Variants in CEP85L observed in about 807,000 individuals in gnomAD.
CEP85L encodes centrosomal protein of 85 kDa-like.
CEP85L carries 60 observed loss-of-function variants against 100.3 expected under a neutral mutation model. That is an observed-to-expected ratio of 0.60 (90% CI 0.49 to 0.74). The LOEUF (loss-of-function observed/expected upper bound fraction) is 0.74, where lower values mean the gene tolerates loss of function less well. Ranked by LOEUF, CEP85L falls within the 30% of genes least tolerant of loss-of-function variation. The pLI, the probability that CEP85L is intolerant of heterozygous loss-of-function variation, is 0.00. For synonymous variants in CEP85L, 319 were observed against 322.7 expected, an observed-to-expected ratio of 0.99 and a Z score of 0.12; for missense variants, 973 against 936.2, an observed-to-expected ratio of 1.04 and a Z score of -0.51.
At chr6:118,502,986 TA>T in intron 5 of CEP85L, 1 of 259,746 alleles carries the variant, frequency 3.8e-6, no homozygotes, top group Non-Finnish European at 7.7e-6. Context: ...ATTCTTAACT[TA>T]AAAACGCTTT....
At chr6:118,467,264 G>C (rs1772597244) in intron 12 of CEP85L, among the ~76,000 whole-genome samples, 1 of 151,850 alleles carries the variant, frequency 6.6e-6, no homozygotes, top group East Asian at 1.9e-4. Flanking sequence ...AACAGGAGTG[G>C]ATAAGATCAC....
At chr6:118,523,671 G>C in intron 4 of CEP85L, 131 bp downstream of exon 4, 1 of 481,138 alleles carries the variant, frequency 2.1e-6, no homozygotes, top group South Asian at 3.9e-5. Flanking sequence ...TTGAGGAGGG[G>C]CAGAGATGTG....
chr6:118,585,872 C>A (rs1193111633), intron 2 of CEP85L, among the ~76,000 whole-genome samples: 1 of 152,190 alleles, frequency 6.6e-6, no homozygotes, highest in Non-Finnish European at 1.5e-5. Flanking sequence ...ACTTCACCCA[C>A]ATGCCAAAGA....
intron 3 of CEP85L, among the ~76,000 whole-genome samples, chr6:118,527,709 G>C (rs1008341532): frequency 6.6e-6 from 1 of 152,074 alleles, no homozygotes; most frequent in African/African-American, 2.4e-5. Context: ...CTCAAAGTAG[G>C]ATTTGGAAAT....
intron 2 of CEP85L, among the ~76,000 whole-genome samples, chr6:118,623,214 G>C (rs1773568231): frequency 1.3e-5 from 2 of 152,096 alleles, no homozygotes; most frequent in South Asian, 4.1e-4. Flanking sequence ...ATAATCCCTT[G>C]GTCCATCATA....
chr6:118,483,723 G>C lies in CEP85L; in HGVS notation c.1573C>G (p.Gln525Glu). ...CATGTTACCTGTAGACTCTGACTCT[G>C]TACATCATCTAGAGTTGGAAGATCA... ...LADLPTLDDV[Q>E]SQSLQLQILE... The change falls in exon 7 of 13, where the codon CAG (glutamine) becomes GAG (glutamate). Residue 525 changes from glutamine (Q) to glutamate (E), a missense_variant. Physicochemically the swap from Gln to Glu is conservative, Grantham distance 29. Transcript: ENST00000368491. 1 of 1,613,152 alleles carries C rather than the reference G, an allele frequency of 6.2e-7. No individual in the cohort carries two copies. The highest frequency in any genetic ancestry group is 8.5e-7 in the Non-Finnish European group (1 of 1,179,506).
At chr6:118,642,461 T>G (rs982317959) in intron 1 of CEP85L, among the ~76,000 whole-genome samples, 1 of 152,186 alleles carries the variant, frequency 6.6e-6, no homozygotes, top group Non-Finnish European at 1.5e-5. Context: ...AAGAATAAAG[T>G]AAGATCAGAT....
chr6:118,598,994 T>C (rs938472176), intron 2 of CEP85L, among the ~76,000 whole-genome samples: 2 of 152,226 alleles, frequency 1.3e-5, no homozygotes, highest in Non-Finnish European at 2.9e-5. Flanking sequence ...GAACTCATGT[T>C]TGGCTCAATA....
At chr6:118,646,965 A>C in intron 1 of CEP85L, 1 of 985,410 alleles carries the variant, frequency 1.0e-6, no homozygotes, top group Non-Finnish European at 1.2e-6. Flanking sequence ...GAAGTGATCA[A>C]ATTCCAATTA....
chr6:118,642,672 G>A (rs1396309120), intron 1 of CEP85L, among the ~76,000 whole-genome samples: 1 of 152,118 alleles, frequency 6.6e-6, no homozygotes, highest in Non-Finnish European at 1.5e-5. Flanking sequence ...CCAGCACTTT[G>A]GGAGGCTGAG....
rs66813095 is a variant in CEP85L at position 118,498,595 on chromosome 6, TAA to T, written c.1258-6732_1258-6731del. On this transcript the variant is annotated intron_variant, in intron 5 of 12. Coordinates refer to ENST00000368491, the MANE Select transcript of CEP85L (RefSeq NM_001042475.3). ...GGAAACATAGTGAGACCCAATCTGT[TAA>T]AAAAAAAAAAAAAAATAGAGAGAGA... Among the ~76,000 whole-genome samples the T allele has an allele frequency of 8.8e-3, 909 of 102,904 alleles. 5 individuals carry two copies. Among genetic ancestry groups the T allele is most frequent in the African/African-American group, 0.017 (460 of 27,032 alleles). 67.5% of individuals were successfully genotyped at this position (102,904 alleles called of 152,430 possible).
chr6:118,666,106 C>T (rs1776125531), intron 1 of CEP85L, among the ~76,000 whole-genome samples: 1 of 152,176 alleles, frequency 6.6e-6, no homozygotes, highest in African/African-American at 2.4e-5. Flanking sequence ...AACTGTATCC[C>T]CAAATAGAGC....
At chr6:118,491,324 A>C (rs1774557460) in intron 6 of CEP85L, 1 of 287,548 alleles carries the variant, frequency 3.5e-6, no homozygotes, top group Admixed American at 5.9e-5. Flanking sequence ...TAATAACTTA[A>C]GTTGCATCAT....
chr6:118,701,570 C>T (rs1777408354), intron 1 of CEP85L, among the ~76,000 whole-genome samples: 1 of 152,036 alleles, frequency 6.6e-6, no homozygotes, highest in Non-Finnish European at 1.5e-5. Flanking sequence ...GGAAGTGAAA[C>T]ATTGAGTATT....
At chr6:118,692,617 T>C (rs1475913709) in intron 1 of CEP85L, among the ~76,000 whole-genome samples, 2 of 152,108 alleles carry the variant, frequency 1.3e-5, no homozygotes, top group Non-Finnish European at 2.9e-5. Context: ...ATAAGACATC[T>C]AAAGTAAAGA....
chr6:118,662,333 C>A (rs920501745), intron 1 of CEP85L, among the ~76,000 whole-genome samples: 1 of 151,928 alleles, frequency 6.6e-6, no homozygotes, highest in African/African-American at 2.4e-5. Context: ...AGTTCGAGAC[C>A]AGCCTGGCCA....
chr6:118,619,866 G>A (rs1773327851), intron 2 of CEP85L, among the ~76,000 whole-genome samples: 1 of 152,098 alleles, frequency 6.6e-6, no homozygotes, highest in Admixed American at 6.6e-5. Flanking sequence ...AGCAATTTAG[G>A]GATTTATGGT....
intron 2 of CEP85L, among the ~76,000 whole-genome samples, chr6:118,576,606 C>T (rs1168570271): frequency 6.6e-6 from 1 of 152,144 alleles, no homozygotes; most frequent in Non-Finnish European, 1.5e-5. Context: ...AGTACTTCTG[C>T]CCCTCTGTGG....
intron 3 of CEP85L, among the ~76,000 whole-genome samples, chr6:118,549,429 C>A (rs1371109490): frequency 6.6e-6 from 1 of 151,766 alleles, no homozygotes; most frequent in Admixed American, 6.6e-5. Context: ...TCTGTCAGGG[C>A]ATACAGAAAA....
Sources: gnomAD v4.1 joint callset for allele counts (sites outside exome capture counted in the v4.1 genomes callset) on GRCh38, gnomAD v4.1.1 for gene constraint, MANE v1.5 for transcripts, NCBI Gene and HGNC (gene_info 2026-07-23, HGNC 2026-07-21) for gene names.